RGS6: variants seen among roughly 807,000 people sequenced by gnomAD.
RGS6 encodes the protein regulator of G protein signaling 6, also known as regulator of G-protein signaling 6.
Under a neutral mutation model 78.5 loss-of-function variants are expected in RGS6, and 30 were observed. The observed-to-expected ratio is 0.38, with a 90% CI of 0.29 to 0.52. The LOEUF is 0.52. Among genes scored for constraint, RGS6 ranks in the 20% least tolerant of loss-of-function variants. The pLI is 0.85. For synonymous variants in RGS6, 206 were observed against 206.0 expected, an observed-to-expected ratio of 1.00 and a Z score of 0.00; for missense variants, 495 against 609.7, an observed-to-expected ratio of 0.81 and a Z score of 1.98.
intron 2 of RGS6, among the ~76,000 whole-genome samples, chr14:72,190,191 C>T (rs1024405953): frequency 6.6e-5 from 10 of 152,160 alleles, no homozygotes; most frequent in Non-Finnish European, 1.3e-4. Context: ...CCTCCCTGAG[C>T]CTCTCTCCCT....
At chr14:71,921,821 G>A in the RGS6 span, among the ~76,000 whole-genome samples, 1 of 152,162 alleles carries the variant, frequency 6.6e-6, no homozygotes, top group Non-Finnish European at 1.5e-5. Context: ...TCATAAGAGG[G>A]ACTACAAAAG....
intron 2 of RGS6, among the ~76,000 whole-genome samples, chr14:72,066,928 A>C (rs2094179335): frequency 6.6e-6 from 1 of 151,678 alleles, no homozygotes; most frequent in Admixed American, 6.6e-5. Context: ...TTTGGAATTT[A>C]AGATTTTTGT....
intron 14 of RGS6, chr14:72,511,514 A>C (rs1239593911): frequency 6.6e-6 from 1 of 152,248 alleles, no homozygotes; most frequent in Non-Finnish European, 1.5e-5. Context: ...AAACACAAGA[A>C]ATGATTAAAT....
At position 72,562,519 on chromosome 14, in the gene RGS6, G is replaced by A. The variant is rs751500657; in HGVS notation, c.*52G>A. On this transcript the variant is annotated 3_prime_UTR_variant, in exon 18 of 18. Transcript: ENST00000553525. Reference sequence around the variant, plus strand: ...GGGCCCGCGGACCCCACAGGCAGGCGGCGGCGCTCCACATCTGCGGACAGA... The same window carrying A: ...GGGCCCGCGGACCCCACAGGCAGGCAGCGGCGCTCCACATCTGCGGACAGA... 2.9e-5 allele frequency: 47 copies of A among 1,605,400 alleles called. No homozygotes were observed. The highest frequency in any genetic ancestry group is 4.4e-5 in the South Asian group (4 of 90,840).
At chr14:72,201,206 C>T (rs2041499811) in intron 2 of RGS6, among the ~76,000 whole-genome samples, 1 of 152,154 alleles carries the variant, frequency 6.6e-6, no homozygotes, top group African/African-American at 2.4e-5. Context: ...GACCTGCGCT[C>T]TCTGTATGTT....
chr14:72,502,630 G>A (rs1395725959), intron 13 of RGS6, among the ~76,000 whole-genome samples: 2 of 152,178 alleles, frequency 1.3e-5, no homozygotes, highest in East Asian at 3.9e-4. Context: ...TGGGCATGGT[G>A]GCAGGCAGCT....
chr14:72,373,937 A>C lies in RGS6; in HGVS notation c.184+21743A>C, dbSNP rs941608012. ...ACAATCATTTGATAGTCTTTTTTTA[A>C]AAGACTACAGAAAGTTTAAAATATA... is the stretch of plus-strand genomic sequence containing the variant. On this transcript the variant is annotated intron_variant, in intron 3 of 17. Coordinates refer to ENST00000553525, the MANE Select transcript of RGS6 (RefSeq NM_001204424.2). 3.3e-5 allele frequency among the ~76,000 whole-genome samples: 5 copies of C among 152,212 alleles called. No individual in the cohort carries two copies. The East Asian group carries it at 5.8e-4, about 18-fold the overall frequency.
chr14:72,526,337 C>A (rs1323878747), intron 15 of RGS6, among the ~76,000 whole-genome samples: 1 of 152,108 alleles, frequency 6.6e-6, no homozygotes, highest in African/African-American at 2.4e-5. Context: ...GATCTCCTGA[C>A]CTCATGATCT....
At chr14:72,418,720 T>C (rs1051623916) in intron 3 of RGS6, among the ~76,000 whole-genome samples, 3 of 152,158 alleles carry the variant, frequency 2.0e-5, no homozygotes, top group Non-Finnish European at 4.4e-5. Context: ...TATTCTCACC[T>C]CTCTTCATTC....
At chr14:71,973,581 A>G (rs2093941017) in intron 2 of RGS6, among the ~76,000 whole-genome samples, 1 of 152,176 alleles carries the variant, frequency 6.6e-6, no homozygotes. Context: ...GCTACTTGGG[A>G]GGCTGAGGCA....
At chr14:72,170,732 T>C (rs574268633) in intron 2 of RGS6, among the ~76,000 whole-genome samples, 121 of 152,352 alleles carry the variant, frequency 7.9e-4, no homozygotes, top group African/African-American at 2.7e-3. Context: ...ATTCTTAGTA[T>C]ACAGAACAGT....
chr14:72,306,166 A>G (rs1244617842), intron 2 of RGS6, among the ~76,000 whole-genome samples: 2 of 152,220 alleles, frequency 1.3e-5, no homozygotes, highest in Admixed American at 1.3e-4. Flanking sequence ...AAAATGGAAC[A>G]ACGAAGCCCA....
intron 2 of RGS6, among the ~76,000 whole-genome samples, chr14:72,332,906 C>T (rs1160680261): frequency 2.6e-5 from 4 of 152,140 alleles, no homozygotes; most frequent in African/African-American, 7.2e-5. Flanking sequence ...CACTGGAATC[C>T]TCTCATTTTA....
chr14:72,256,558 C>A (rs1439855101), intron 2 of RGS6, among the ~76,000 whole-genome samples: 3 of 152,172 alleles, frequency 2.0e-5, no homozygotes, highest in Non-Finnish European at 2.9e-5. Flanking sequence ...ATTCAGGCCC[C>A]TCCCATAATT....
At chr14:72,390,695 G>C (rs1385240547) in intron 3 of RGS6, among the ~76,000 whole-genome samples, 1 of 152,156 alleles carries the variant, frequency 6.6e-6, no homozygotes, top group Non-Finnish European at 1.5e-5. Flanking sequence ...CTGCCAGAAA[G>C]GGTAAACCTT....
intron 2 of RGS6, among the ~76,000 whole-genome samples, chr14:72,010,866 G>A (rs536966460): frequency 6.6e-6 from 1 of 152,154 alleles, no homozygotes; most frequent in African/African-American, 2.4e-5. Context: ...CCTGTTCCTG[G>A]ATTACAAAGA....
chr14:72,269,864 C>A (rs2059668455), intron 2 of RGS6, among the ~76,000 whole-genome samples: 2 of 152,152 alleles, frequency 1.3e-5, no homozygotes, highest in African/African-American at 2.4e-5. Context: ...CTGCACCCAG[C>A]CTTTGTATAG....
At chr14:72,115,658 C>A (rs1446823530) in intron 2 of RGS6, among the ~76,000 whole-genome samples, 1 of 152,176 alleles carries the variant, frequency 6.6e-6, no homozygotes, top group Non-Finnish European at 1.5e-5. Flanking sequence ...CCCTGGCCCC[C>A]CATCAACTTT....
intron 16 of RGS6, among the ~76,000 whole-genome samples, chr14:72,536,760 A>G (rs1185548961): frequency 2.6e-5 from 4 of 152,090 alleles, no homozygotes; most frequent in East Asian, 1.9e-4. Context: ...CAAGAGCACA[A>G]TCAGGTACCT....
Sources: allele counts gnomAD v4.1 joint callset (sites outside exome capture counted in the v4.1 genomes callset), GRCh38; gene constraint gnomAD v4.1.1; transcripts MANE v1.5; gene names NCBI Gene and HGNC (gene_info 2026-07-23, HGNC 2026-07-21).